Variants in SLX4IP observed in about 807,000 individuals in gnomAD.
SLX4IP encodes SLX4 interacting protein.
Under a neutral mutation model 32.9 loss-of-function variants are expected in SLX4IP, and 34 were observed. The observed-to-expected ratio is 1.03, with a 90% CI of 0.79 to 1.38. The LOEUF is 1.38. Ranked by LOEUF, SLX4IP falls within the 40% of genes most tolerant of loss-of-function variation. SLX4IP has a pLI of 0.00. For synonymous variants in SLX4IP, 172 were observed against 171.7 expected, an observed-to-expected ratio of 1.00 and a Z score of -0.01; for missense variants, 444 against 479.0, an observed-to-expected ratio of 0.93 and a Z score of 0.68.
intron 2 of SLX4IP, among the ~76,000 whole-genome samples, chr20:10,541,710 G>GA (rs2066108974): frequency 6.6e-6 from 1 of 152,110 alleles, no homozygotes; most frequent in Non-Finnish European, 1.5e-5. Context: ...CTGAGACTGA[G>GA]AATGATGTTT....
chr20:10,604,554 AC>A (rs2122553102), intron 6 of SLX4IP, among the ~76,000 whole-genome samples: 2 of 152,356 alleles, frequency 1.3e-5, no homozygotes, highest in East Asian at 3.9e-4. Flanking sequence ...GCACAAAAGA[AC>A]TGCTGTTCCA....
chr20:10,500,520 G>A (rs2065709155), intron 2 of SLX4IP, among the ~76,000 whole-genome samples: 2 of 152,156 alleles, frequency 1.3e-5, no homozygotes, highest in African/African-American at 4.8e-5. Context: ...GGAGGCTGAG[G>A]CAGGTGGATC....
At chr20:10,537,648 T>C (rs981844058) in intron 2 of SLX4IP, among the ~76,000 whole-genome samples, 1 of 152,206 alleles carries the variant, frequency 6.6e-6, no homozygotes, top group Non-Finnish European at 1.5e-5. Flanking sequence ...GTAATTTTTC[T>C]AGGAATTGAA....
intron 2 of SLX4IP, among the ~76,000 whole-genome samples, chr20:10,517,120 A>G (rs2065857800): frequency 6.6e-6 from 1 of 152,228 alleles, no homozygotes; most frequent in Non-Finnish European, 1.5e-5. Flanking sequence ...TAAGAATTTA[A>G]GAAATTGTTC....
chr20:10,440,812 G>A (rs2065154817), intron 1 of SLX4IP, among the ~76,000 whole-genome samples: 1 of 152,010 alleles, frequency 6.6e-6, no homozygotes. Context: ...CAGAGTTCTT[G>A]GGTTACAAAG....
intron 2 of SLX4IP, among the ~76,000 whole-genome samples, chr20:10,548,361 C>T (rs929771294): frequency 2.0e-5 from 3 of 152,144 alleles, no homozygotes; most frequent in African/African-American, 7.2e-5. Flanking sequence ...GCCTCAGCCT[C>T]CCGAGTAGCT....
intron 6 of SLX4IP, among the ~76,000 whole-genome samples, chr20:10,606,508 G>T (rs2066907975): frequency 6.6e-6 from 1 of 152,296 alleles, no homozygotes; most frequent in South Asian, 2.1e-4. Context: ...GTGGTGAATT[G>T]CGTGGAAGAT....
At chr20:10,523,966 TTTG>T (rs1330922479) in intron 2 of SLX4IP, among the ~76,000 whole-genome samples, 1 of 152,190 alleles carries the variant, frequency 6.6e-6, no homozygotes, top group East Asian at 1.9e-4. Flanking sequence ...GTTTGGCCAT[TTTG>T]TTGTTGTTCC....
At chr20:10,579,662 G>C (rs891432232) in intron 4 of SLX4IP, among the ~76,000 whole-genome samples, 2 of 152,104 alleles carry the variant, frequency 1.3e-5, no homozygotes, top group African/African-American at 4.8e-5. Flanking sequence ...CTGACCTCAT[G>C]TGATCCACCC....
At chr20:10,545,927 T>C (rs1022123043) in intron 2 of SLX4IP, among the ~76,000 whole-genome samples, 8 of 152,250 alleles carry the variant, frequency 5.3e-5, no homozygotes, top group Admixed American at 5.2e-4. Context: ...TAAATTCCTC[T>C]AACTCATAAA....
At chr20:10,486,114 T>C (rs2065571151) in intron 2 of SLX4IP, among the ~76,000 whole-genome samples, 1 of 152,180 alleles carries the variant, frequency 6.6e-6, no homozygotes, top group African/African-American at 2.4e-5. Flanking sequence ...CAAGAGGGTT[T>C]GTTTATTTAG....
chr20:10,585,552 C>A (rs1026851153), intron 4 of SLX4IP, among the ~76,000 whole-genome samples: 9 of 144,546 alleles, frequency 6.2e-5, no homozygotes, highest in Admixed American at 3.9e-4. Flanking sequence ...TTTCCCCTTT[C>A]CTTTCCTTTC....
chr20:10,470,782 G>T (rs2122361809), intron 2 of SLX4IP, among the ~76,000 whole-genome samples: 1 of 152,254 alleles, frequency 6.6e-6, no homozygotes, highest in African/African-American at 2.4e-5. Context: ...ATCATGTCTG[G>T]TTCTAAATTT....
chr20:10,466,193 G>A (rs927749133), intron 2 of SLX4IP, among the ~76,000 whole-genome samples: 1 of 152,198 alleles, frequency 6.6e-6, no homozygotes, highest in Admixed American at 6.5e-5. Flanking sequence ...AAGTTTATGT[G>A]TCCACCCGCT....
At chr20:10,441,339 G>A (rs1244564777) in intron 1 of SLX4IP, among the ~76,000 whole-genome samples, 1 of 152,176 alleles carries the variant, frequency 6.6e-6, no homozygotes, top group Non-Finnish European at 1.5e-5. Context: ...GGAAGGCTGA[G>A]GCAGGAGGAT....
At chr20:10,568,892 T>C (rs144207888) in intron 4 of SLX4IP, among the ~76,000 whole-genome samples, 3 of 152,348 alleles carry the variant, frequency 2.0e-5, no homozygotes, top group Admixed American at 6.5e-5. Flanking sequence ...GATGTCACCC[T>C]CTGGTGGATC....
chr20:10,472,123 T>A (rs988719378), intron 2 of SLX4IP, among the ~76,000 whole-genome samples: 1 of 152,156 alleles, frequency 6.6e-6, no homozygotes, highest in African/African-American at 2.4e-5. Context: ...TTGGAAATTG[T>A]TTAGTGTAGT....
At chr20:10,472,578 A>G (rs900945312) in intron 2 of SLX4IP, among the ~76,000 whole-genome samples, 1 of 152,160 alleles carries the variant, frequency 6.6e-6, no homozygotes, top group African/African-American at 2.4e-5. Flanking sequence ...TGCATGGTAT[A>G]ATGGAAATAA....
chr20:10,613,820 G>A (rs1832248807), intron 6 of SLX4IP: 1 of 1,611,520 alleles, frequency 6.2e-7, no homozygotes, highest in Non-Finnish European at 8.5e-7. Context: ...AGTCCAGATA[G>A]GCCTGCTTAA....
Sources: allele counts gnomAD v4.1 joint callset (sites outside exome capture counted in the v4.1 genomes callset), GRCh38; gene constraint gnomAD v4.1.1; transcripts MANE v1.5; gene names NCBI Gene and HGNC (gene_info 2026-07-23, HGNC 2026-07-21).